HTR3E: variants seen among roughly 807,000 people sequenced by gnomAD.
HTR3E encodes the protein 5-hydroxytryptamine (serotonin) receptor 3, family member E.
A neutral mutation model predicts 38.0 loss-of-function variants in HTR3E; 38 were observed. That is an observed-to-expected ratio of 1.00 (90% CI 0.77 to 1.31). The LOEUF (loss-of-function observed/expected upper bound fraction) is 1.31, where lower values mean the gene tolerates loss of function less well. HTR3E is among the 50% of genes most tolerant of loss of function. The pLI is 0.00. For synonymous variants in HTR3E, 210 were observed against 232.9 expected, an observed-to-expected ratio of 0.90 and a Z score of 0.89; for missense variants, 547 against 585.2, an observed-to-expected ratio of 0.93 and a Z score of 0.67.
chr3:184,105,791 CTA>C lies in HTR3E; in HGVS notation c.749_750del (p.Tyr250CysfsTer48). The C allele has an allele frequency of 6.2e-7, 1 of 1,614,196 alleles. No homozygotes were observed. Among genetic ancestry groups the C allele is most frequent in the Non-Finnish European group, 8.5e-7 (1 of 1,180,038 alleles). ...TGGCCATCAGGCGCAGGCCCAGTCT[CTA>C]TGTCATAAACCTTCTCGTGCCCAGT... is the stretch of plus-strand genomic sequence containing the variant. ...YVAIRRRPSL[Y>X]VINLLVPSGF... is the part of the protein sequence containing the mutation. On this transcript the variant is annotated frameshift_variant, in exon 7 of 9. Coordinates refer to ENST00000415389, the MANE Select transcript of HTR3E (RefSeq NM_001256613.2). LOFTEE classifies it high-confidence loss of function.
rs1229711274 is a variant in HTR3E, at chr3:184,099,624, G to A, written c.68-861G>A. ...AGCTACTCGGGAGGCTGAGGCAGGA[G>A]AATGGCGTGAACCCGGGAAGCGGAG... On this transcript the variant is annotated intron_variant, in intron 1 of 8. Transcript: ENST00000415389. Among the ~76,000 whole-genome samples, 9 of 148,782 alleles carry A rather than the reference G, an allele frequency of 6.0e-5. No individual in the cohort carries two copies. The East Asian group carries it at 1.6e-3, about 26-fold the overall frequency.
chr3:184,105,199 A>G (rs545534493), intron 5 of HTR3E, 68 bp from the exon 6 acceptor site: 1 of 1,492,646 alleles, frequency 6.7e-7, no homozygotes, highest in South Asian at 1.3e-5. Flanking sequence ...AAGGATGGAA[A>G]AAGAGTGCAG....
chr3:184,105,360 T>C lies in HTR3E; in HGVS notation c.653T>C (p.Leu218Pro). 2.5e-6 allele frequency: 4 copies of C among 1,614,156 alleles called. No homozygotes were observed. The highest frequency in any genetic ancestry group is 3.4e-6 in the Non-Finnish European group (4 of 1,179,990). ...CAGACCCATGGAGAATGGGAGCTCC[T>C]GGGCCTCAGCAAGGCCACCGCAAAG... ...ILQTHGEWEL[L>P]GLSKATAKLS... Residue 218 changes from leucine (L) to proline (P), a missense_variant, in exon 6 of 9, where the codon CTG (leucine) becomes CCG (proline). Leu to Pro is a moderately conservative substitution (Grantham distance 98). Coordinates refer to ENST00000415389, the MANE Select transcript of HTR3E (RefSeq NM_001256613.2).
chr3:184,098,805 A>G, intron 1 of HTR3E, among the ~76,000 whole-genome samples: 1 of 151,746 alleles, frequency 6.6e-6, no homozygotes, highest in East Asian at 1.9e-4. Context: ...AGCACTTGGG[A>G]CGCTGAGGCA....
At chr3:184,100,266 A>G (rs1474673910) in intron 1 of HTR3E, 19 of 1,359,612 alleles carry the variant, frequency 1.4e-5, no homozygotes, top group Non-Finnish European at 1.9e-5. Context: ...CGTTTATTAC[A>G]TGAGGGTAAA....
chr3:184,101,456 A>G lies in HTR3E; in HGVS notation c.235-29A>G, dbSNP rs768530063. ...ATGGAACAGACTTCTTACTGGCAAC[A>G]TGATGGAAATAGGAAATTCTTTTGG... On this transcript the variant is annotated intron_variant, in intron 2 of 8. Coordinates refer to ENST00000415389, the MANE Select transcript of HTR3E (RefSeq NM_001256613.2). 4 of 1,607,026 alleles carry G rather than the reference A, an allele frequency of 2.5e-6. No homozygotes were observed. The Admixed American group carries it at 5.0e-5, about 20-fold the overall frequency.
intron 2 of HTR3E, among the ~76,000 whole-genome samples, chr3:184,100,976 C>T (rs768759423): frequency 2.8e-4 from 42 of 152,276 alleles, no homozygotes; most frequent in African/African-American, 9.1e-4. Context: ...TGGAGTCTCA[C>T]TCTGTTGCCC....
intron 3 of HTR3E, among the ~76,000 whole-genome samples, chr3:184,102,924 CAAA>C (rs58155446): frequency 8.1e-6 from 1 of 123,296 alleles, no homozygotes. Context: ...GACTGCATCT[CAAA>C]AAAAAAAAAG....
intron 4 of HTR3E, among the ~76,000 whole-genome samples, chr3:184,104,552 A>AG (rs1215989025): frequency 6.6e-6 from 1 of 151,080 alleles, no homozygotes; most frequent in East Asian, 1.9e-4. Context: ...AAAAAAAAAA[A>AG]AAAAAAAAAA....
chr3:184,103,097 A>T lies in HTR3E; in HGVS notation c.280-1085A>T, dbSNP rs181593051. 1.2e-3 allele frequency among the ~76,000 whole-genome samples: 176 copies of T among 152,354 alleles called. 2 individuals carry two copies. Among genetic ancestry groups the T allele is most frequent in the African/African-American group, 3.4e-3 (143 of 41,590 alleles). On this transcript the variant is annotated intron_variant, in intron 3 of 8. Coordinates refer to ENST00000415389, the MANE Select transcript of HTR3E (RefSeq NM_001256613.2). ...GTAGTCAAAGCATAACCCAGTGGAA[A>T]ATTTATATCTTAATTGCATTGATAA...
At chr3:184,098,905 G>A (rs1447860095) in intron 1 of HTR3E, among the ~76,000 whole-genome samples, 1 of 151,932 alleles carries the variant, frequency 6.6e-6, no homozygotes, top group Non-Finnish European at 1.5e-5. Context: ...CTAGCCTGAT[G>A]TGGTGGTAGT....
rs1044097527 is a variant in HTR3E, at chr3:184,097,279, A to G, written c.-251A>G. On this transcript the variant is annotated 5_prime_UTR_variant, in exon 1 of 9. The change abolishes an upstream ATG in the 5' untranslated region. Transcript: ENST00000415389. ...ACCAAGATCTGCAAGTTGATCACGTATGAACTATCTATAACCATTTACGTT... is the reference window on the plus strand; with the variant it reads ...ACCAAGATCTGCAAGTTGATCACGTGTGAACTATCTATAACCATTTACGTT... 2.3e-5 allele frequency: 9 copies of G among 386,944 alleles called. No homozygotes were observed. Among genetic ancestry groups the G allele is most frequent in the African/African-American group, 1.6e-4 (8 of 48,848 alleles). 24.0% of individuals were successfully genotyped at this position (386,944 alleles called of 1,614,324 possible).
Position 184,106,769 on chromosome 3 carries a change from G to A in HTR3E, c.*76G>A, listed in dbSNP as rs56109847. 0.039 allele frequency: 55,454 copies of A among 1,423,154 alleles called. 1,254 individuals are homozygous for A. Among genetic ancestry groups the A allele is most frequent in the Non-Finnish European group, 0.047 (48,287 of 1,022,648 alleles). The allele number at this position is 1,423,154 out of a possible 1,614,324, so 88.2% of individuals were successfully genotyped here. On this transcript the variant is annotated 3_prime_UTR_variant, in exon 9 of 9. Transcript: ENST00000415389. The surrounding 1 kb of genome is among the most constrained non-coding windows in gnomAD (Gnocchi z 4.1). Reference sequence around the variant, plus strand: ...ACTGGCCAGGTCTCCCCCCTTTCCTGAGTACCAACTATCATATCCCCAAAG... The same window carrying A: ...ACTGGCCAGGTCTCCCCCCTTTCCTAAGTACCAACTATCATATCCCCAAAG...
chr3:184,105,169 C>G, intron 5 of HTR3E, 98 bp from the exon 6 acceptor site: 1 of 1,381,604 alleles, frequency 7.2e-7, no homozygotes, highest in Non-Finnish European at 9.8e-7. Flanking sequence ...GGGAGGCACT[C>G]AAAAATATTT....
Position 184,105,565 on chromosome 3 carries a change from T to C in HTR3E, c.720+138T>C, listed in dbSNP as rs138104933. 2,174 of 1,104,014 alleles carry C rather than the reference T, an allele frequency of 2.0e-3. 25 individuals carry two copies. In the African/African-American group the frequency reaches 0.028, roughly 14 times the overall value. 68.4% of individuals were successfully genotyped at this position (1,104,014 alleles called of 1,614,324 possible). A position where few individuals can be genotyped will look rare whatever the true frequency, so the allele number is the denominator to read the frequency against. Reference sequence around the variant, plus strand: ...CCTGGCTTCCCAGCCTCATTCTTCATCCTAAAGCTCAGGGCTCTGGCCTAA... The same window carrying C: ...CCTGGCTTCCCAGCCTCATTCTTCACCCTAAAGCTCAGGGCTCTGGCCTAA... On this transcript the variant is annotated intron_variant, in intron 6 of 8. Coordinates refer to ENST00000415389, the MANE Select transcript of HTR3E (RefSeq NM_001256613.2).
At position 184,099,739 on chromosome 3, in the gene HTR3E, A is replaced by ACAAAC. The variant is rs1553801776; in HGVS notation, c.68-746_68-745insCAAAC. Among the ~76,000 whole-genome samples the ACAAAC allele has an allele frequency of 1.7e-4, 19 of 113,096 alleles. 2 individuals carry two copies. The South Asian group carries it at 2.3e-3, about 14-fold the overall frequency. 74.2% of individuals were successfully genotyped at this position (113,096 alleles called of 152,430 possible). On this transcript the variant is annotated intron_variant, in intron 1 of 8. Transcript: ENST00000415389. Reference sequence around the variant, plus strand: ...CCGTCTCAAAAAAAAAAAAAAAAAAAAGAAAGAAATATGCACAATTATTAT... The same window carrying ACAAAC: ...CCGTCTCAAAAAAAAAAAAAAAAAAACAAACAGAAAGAAATATGCACAATTATTAT...
Position 184,104,824 on chromosome 3 carries a change from T to C in HTR3E, c.427T>C (p.Tyr143His), listed in dbSNP as rs1245445689. 1 of 1,613,212 alleles carries C rather than the reference T, an allele frequency of 6.2e-7. No individual in the cohort carries two copies. The highest frequency in any genetic ancestry group is 1.7e-5 in the Admixed American group (1 of 59,926). ...VDKTPKGLTA[Y>H]VSNEGRIRYK... ...TAAGACCCCAAAAGGCCTCACAGCA[T>C]ATGTAAGTAATGAAGGTCGCATCAG... Residue 143 changes from tyrosine to histidine, a missense_variant, in exon 5 of 9, where the codon TAT becomes CAT. Coordinates refer to ENST00000415389, the MANE Select transcript of HTR3E (RefSeq NM_001256613.2).
chr3:184,100,127 A>G (rs1452177963), intron 1 of HTR3E: 8 of 1,321,248 alleles, frequency 6.1e-6, no homozygotes, highest in African/African-American at 1.5e-5. Context: ...CCCATTCTTC[A>G]TCTCATCCCT....
chr3:184,101,645 A>G (rs1484112166), intron 3 of HTR3E, 116 bp downstream of exon 3: 2 of 882,244 alleles, frequency 2.3e-6, no homozygotes, highest in Non-Finnish European at 3.8e-6. Flanking sequence ...CATGAAGGAG[A>G]AATTGAAAAA....
Sources: allele counts gnomAD v4.1 joint callset (sites outside exome capture counted in the v4.1 genomes callset), GRCh38; gene constraint gnomAD v4.1.1; non-coding constraint Gnocchi (gnomAD v3.1); transcripts MANE v1.5; gene names NCBI Gene and HGNC (gene_info 2026-07-23, HGNC 2026-07-21).